The following LDB2 variants were observed in gnomAD, a reference collection of about 807,000 sequenced individuals.
LDB2 encodes the protein LIM domain binding 2.
LDB2 carries 12 observed loss-of-function variants against 44.3 expected under a neutral mutation model. The observed-to-expected ratio is 0.27, with a 90% CI of 0.17 to 0.44. LDB2 has a LOEUF of 0.44. Ranked by LOEUF, LDB2 falls within the 20% of genes least tolerant of loss-of-function variation. The pLI is 1.00. For synonymous variants in LDB2, 164 were observed against 174.8 expected, an observed-to-expected ratio of 0.94 and a Z score of 0.49; for missense variants, 344 against 473.5, an observed-to-expected ratio of 0.73 and a Z score of 2.54.
At chr4:16,830,394 T>C (rs905809700) in intron 1 of LDB2, among the ~76,000 whole-genome samples, 2 of 152,218 alleles carry the variant, frequency 1.3e-5, no homozygotes, top group African/African-American at 4.8e-5. Context: ...TTATTCCTTC[T>C]GTGGTGATTG....
At chr4:16,626,210 C>T (rs1158822143) in intron 2 of LDB2, among the ~76,000 whole-genome samples, 1 of 152,178 alleles carries the variant, frequency 6.6e-6, no homozygotes, top group Admixed American at 6.5e-5. Context: ...CTAATGTTCT[C>T]TTTCCATCTG....
intron 5 of LDB2, among the ~76,000 whole-genome samples, chr4:16,527,599 A>G (rs4698492): frequency 0.018 from 2,705 of 152,270 alleles, 136 homozygotes; most frequent in Admixed American, 0.1. Flanking sequence ...AAGTCATTAT[A>G]TGAAAAAGAC....
rs188855608 is a variant in LDB2, at chr4:16,804,436, G to C, written c.133-45176C>G. 3.3e-5 allele frequency among the ~76,000 whole-genome samples: 5 copies of C among 152,236 alleles called. No homozygotes were observed. The East Asian group carries it at 7.7e-4, about 23-fold the overall frequency. On this transcript the variant is annotated intron_variant, in intron 1 of 7. Coordinates refer to ENST00000304523, the MANE Select transcript of LDB2 (RefSeq NM_001290.5). Reference sequence around the variant, plus strand: ...AATTAACTCTTCTAAATTGTCCCCTGTATCTTGACATAATTTTTTTAATTA... The same window carrying C: ...AATTAACTCTTCTAAATTGTCCCCTCTATCTTGACATAATTTTTTTAATTA...
rs1715033054 is a variant in LDB2 at position 16,582,349 on chromosome 4, C to T, written c.615+3573G>A. Among the ~76,000 whole-genome samples, 2 of 152,278 alleles carry T rather than the reference C, an allele frequency of 1.3e-5. No individual in the cohort carries two copies. The highest frequency in any genetic ancestry group is 3.4e-3 in the Middle Eastern group (1 of 294). ...TCTCATTGACCCGGATGGCCCAATG[C>T]GCACTAAACTGCACTGCCTTCTCAT... is the stretch of plus-strand genomic sequence containing the variant. On this transcript the variant is annotated intron_variant, in intron 5 of 7. Transcript: ENST00000304523. The surrounding 1 kb of genome is among the most constrained non-coding windows in gnomAD (Gnocchi z 4.8).
intron 1 of LDB2, among the ~76,000 whole-genome samples, chr4:16,846,947 A>G (rs1024942884): frequency 2.0e-5 from 3 of 152,184 alleles, no homozygotes; most frequent in Non-Finnish European, 4.4e-5. Flanking sequence ...TGTCTAAATA[A>G]AACAGTTTTG....
chr4:16,809,257 TATCACTATCCTA>T (rs1271317379), intron 1 of LDB2, among the ~76,000 whole-genome samples: 1 of 152,208 alleles, frequency 6.6e-6, no homozygotes, highest in Non-Finnish European at 1.5e-5. Context: ...TTACAGCAGC[TATCACTATCCTA>T]ATACATTACT....
intron 2 of LDB2, among the ~76,000 whole-genome samples, chr4:16,708,643 T>G (rs1755156448): frequency 6.6e-6 from 1 of 152,308 alleles, no homozygotes. Flanking sequence ...GGATACATTC[T>G]TGGGACCAGG....
intron 5 of LDB2, among the ~76,000 whole-genome samples, chr4:16,565,883 A>G (rs1744321263): frequency 6.6e-6 from 1 of 152,086 alleles, no homozygotes; most frequent in Non-Finnish European, 1.5e-5. Flanking sequence ...CCAATTTGTG[A>G]TCACGAAAGT....
intron 1 of LDB2, among the ~76,000 whole-genome samples, chr4:16,891,257 A>G (rs187800145): frequency 0.013 from 1,905 of 148,566 alleles, 17 homozygotes; most frequent in Middle Eastern, 0.049. Context: ...ATTATATTCT[A>G]TAACAGTTTC....
chr4:16,551,943 A>G (rs1224795165), intron 5 of LDB2, among the ~76,000 whole-genome samples: 5 of 152,200 alleles, frequency 3.3e-5, no homozygotes, highest in African/African-American at 9.7e-5. Flanking sequence ...TTCTTTTTAC[A>G]TAATTTTTTT....
intron 1 of LDB2, among the ~76,000 whole-genome samples, chr4:16,776,650 C>T (rs559812896): frequency 2.0e-5 from 3 of 152,190 alleles, no homozygotes; most frequent in Non-Finnish European, 4.4e-5. Context: ...CACAAATCCA[C>T]GTCCTTGAAG....
At chr4:16,545,094 TTGGA>T (rs1357644010) in intron 5 of LDB2, among the ~76,000 whole-genome samples, 1 of 151,846 alleles carries the variant, frequency 6.6e-6, no homozygotes, top group East Asian at 1.9e-4. Context: ...AAAAGGAAGT[TTGGA>T]TCTGCCTGCT....
chr4:16,639,694 A>T (rs776292042), intron 2 of LDB2, among the ~76,000 whole-genome samples: 1 of 152,232 alleles, frequency 6.6e-6, no homozygotes, highest in Admixed American at 6.5e-5. Flanking sequence ...TCCGGACCTC[A>T]GGTGATCCGC....
chr4:16,556,481 A>T (rs372950297), intron 5 of LDB2, among the ~76,000 whole-genome samples: 5 of 152,224 alleles, frequency 3.3e-5, no homozygotes, highest in African/African-American at 1.2e-4. Flanking sequence ...ATCAAAGCTA[A>T]TGATATTCCT....
At chr4:16,535,320 C>T (rs746258470) in intron 5 of LDB2, among the ~76,000 whole-genome samples, 1 of 152,174 alleles carries the variant, frequency 6.6e-6, no homozygotes, top group Non-Finnish European at 1.5e-5. Context: ...CACTGTGCTG[C>T]CACTGTACCC....
chr4:16,638,830 A>G (rs1734335656), intron 2 of LDB2, among the ~76,000 whole-genome samples: 1 of 146,464 alleles, frequency 6.8e-6, no homozygotes, highest in African/African-American at 2.5e-5. Context: ...TGATACACTA[A>G]GACAAGAGCA....
intron 5 of LDB2, among the ~76,000 whole-genome samples, chr4:16,517,246 A>G (rs895324159): frequency 2.6e-5 from 4 of 152,136 alleles, no homozygotes; most frequent in Admixed American, 6.6e-5. Flanking sequence ...TGAATCCTCT[A>G]TAGCCCCATC....
intron 1 of LDB2, among the ~76,000 whole-genome samples, chr4:16,776,272 A>G (rs1771883360): frequency 6.6e-6 from 1 of 152,194 alleles, no homozygotes; most frequent in African/African-American, 2.4e-5. Context: ...GGGTCCTTCC[A>G]AAGAGGTCCT....
intron 1 of LDB2, among the ~76,000 whole-genome samples, chr4:16,827,611 A>C (rs993064603): frequency 6.6e-6 from 1 of 152,184 alleles, no homozygotes; most frequent in African/African-American, 2.4e-5. Context: ...AGAAATATAC[A>C]TACGTGTGTG....
Sources: allele counts gnomAD v4.1 joint callset (sites outside exome capture counted in the v4.1 genomes callset), GRCh38; gene constraint gnomAD v4.1.1; non-coding constraint Gnocchi (gnomAD v3.1); transcripts MANE v1.5; gene names NCBI Gene and HGNC (gene_info 2026-07-23, HGNC 2026-07-21).